Variants in SHC3 observed in about 807,000 individuals in gnomAD.
The protein encoded by SHC3 is SHC adaptor protein 3.
In SHC3, 15 loss-of-function variants were observed where a neutral mutation model predicts 60.4. That is an observed-to-expected ratio of 0.25 (90% confidence interval 0.17 to 0.38). The LOEUF (loss-of-function observed/expected upper bound fraction) is 0.38. Ranked by LOEUF, SHC3 falls within the 10% of genes least tolerant of loss-of-function variation. The pLI is 1.00. For synonymous variants in SHC3, 294 were observed against 325.9 expected, an observed-to-expected ratio of 0.90 and a Z score of 1.05; for missense variants, 677 against 786.1, an observed-to-expected ratio of 0.86 and a Z score of 1.66.
At chr9:89,098,735 T>A (rs995920878) in intron 2 of SHC3, among the ~76,000 whole-genome samples, 10 of 151,634 alleles carry the variant, frequency 6.6e-5, no homozygotes, top group African/African-American at 2.4e-4. Flanking sequence ...AGCGTGAACC[T>A]GGGAGGCGGA....
intron 11 of SHC3, among the ~76,000 whole-genome samples, chr9:89,035,864 T>TATATA (rs1462006154): frequency 5.6e-5 from 3 of 53,150 alleles, no homozygotes; most frequent in East Asian, 0.01. Flanking sequence ...TGTGTGTGTG[T>TATATA]GTGTGTGTGT....
chr9:89,046,981 C>A lies in SHC3; in HGVS notation c.976G>T (p.Asp326Tyr). Residue 326 changes from aspartate (D) to tyrosine (Y), a missense_variant, in exon 8 of 12, where the codon GAT becomes TAT. Asp to Tyr is a radical substitution (Grantham distance 160). Coordinates refer to ENST00000375835, the MANE Select transcript of SHC3 (RefSeq NM_016848.6). Reference sequence around the variant, plus strand: ...CCCTCCTCTTCCGTCCATGGCTCATCCAGACTCTGCATTCTGTTAAAGGAA... The same window carrying A: ...CCCTCCTCTTCCGTCCATGGCTCATACAGACTCTGCATTCTGTTAAAGGAA... ...PALHDRMQSLDEPWTEEEGDG... is the reference protein window; with the variant it reads ...PALHDRMQSLYEPWTEEEGDG... 6.3e-7 allele frequency: 1 copy of A among 1,588,510 alleles called. No individual in the cohort carries two copies. The highest frequency in any genetic ancestry group is 8.5e-7 in the Non-Finnish European group (1 of 1,169,598).
intron 1 of SHC3, among the ~76,000 whole-genome samples, chr9:89,167,765 T>C (rs989775408): frequency 1.3e-5 from 2 of 152,258 alleles, no homozygotes; most frequent in Non-Finnish European, 2.9e-5. Context: ...TAAATTATTA[T>C]TATGCTATTA....
Position 89,065,661 on chromosome 9 carries a change from T to C in SHC3, c.784-81A>G. The C allele has an allele frequency of 2.8e-6, 4 of 1,415,908 alleles. No homozygotes were observed. The South Asian group carries it at 4.6e-5, about 16-fold the overall frequency. 87.7% of individuals were successfully genotyped at this position (1,415,908 alleles called of 1,614,324 possible). ...GTCAGGGACACAGGGCACAAACCAG[T>C]GAGCTTAGAAGGACTCAACCACCAA... On this transcript the variant is annotated intron_variant, in intron 5 of 11. Coordinates refer to ENST00000375835, the MANE Select transcript of SHC3 (RefSeq NM_016848.6).
At chr9:89,128,374 C>T (rs1462147886) in intron 1 of SHC3, among the ~76,000 whole-genome samples, 3 of 152,040 alleles carry the variant, frequency 2.0e-5, no homozygotes, top group Non-Finnish European at 2.9e-5. Flanking sequence ...CCTAAACGTC[C>T]CTGTCTGACA....
chr9:89,055,307 C>T (rs368991286), intron 6 of SHC3, among the ~76,000 whole-genome samples: 8 of 152,258 alleles, frequency 5.3e-5, no homozygotes, highest in East Asian at 3.8e-4. Context: ...GACTGGCCCC[C>T]GGCCATCTGC....
intron 6 of SHC3, among the ~76,000 whole-genome samples, chr9:89,062,985 C>T (rs149854630): frequency 6.6e-6 from 1 of 152,342 alleles, no homozygotes; most frequent in Non-Finnish European, 1.5e-5. Flanking sequence ...TAGATCCACC[C>T]TCCCTGCCCA....
chr9:89,025,106 C>G (rs1826270188), intron 11 of SHC3, among the ~76,000 whole-genome samples: 1 of 152,156 alleles, frequency 6.6e-6, no homozygotes, highest in Non-Finnish European at 1.5e-5. Flanking sequence ...ATTACATCTG[C>G]CCCTTATAAA....
chr9:89,051,555 C>T (rs1403436916), intron 7 of SHC3, among the ~76,000 whole-genome samples: 1 of 152,236 alleles, frequency 6.6e-6, no homozygotes, highest in Non-Finnish European at 1.5e-5. Context: ...GGAAGGTAAA[C>T]AAACTACCAA....
At chr9:89,092,687 T>C (rs1037819717) in intron 2 of SHC3, among the ~76,000 whole-genome samples, 4 of 151,384 alleles carry the variant, frequency 2.6e-5, no homozygotes, top group Non-Finnish European at 4.4e-5. Context: ...AAAAAGTAGA[T>C]TGTGGAATGA....
intron 1 of SHC3, among the ~76,000 whole-genome samples, chr9:89,164,483 C>A (rs565360773): frequency 6.6e-6 from 1 of 151,774 alleles, no homozygotes; most frequent in Non-Finnish European, 1.5e-5. Context: ...GTTGGAGTAT[C>A]GGGGGGTAGG....
intron 2 of SHC3, among the ~76,000 whole-genome samples, chr9:89,101,504 A>G (rs899783863): frequency 2.0e-5 from 3 of 152,024 alleles, no homozygotes; most frequent in South Asian, 4.1e-4. Flanking sequence ...CCCTGTTATC[A>G]GATTGAGGAA....
rs550101096 is a variant in SHC3 at position 89,024,156 on chromosome 9, CT to C, written c.1657-10582del. Among the ~76,000 whole-genome samples the C allele has an allele frequency of 1.3e-3, 196 of 152,346 alleles. 1 individual carries two copies. The highest frequency in any genetic ancestry group is 4.6e-3 in the African/African-American group (191 of 41,574). On this transcript the variant is annotated intron_variant, in intron 11 of 11. Transcript: ENST00000375835. ...GTCCAATCAGAAACAAACAGCCCCT[CT>C]CAGGATGCTCCCCTGATGTGTAAAG...
rs561649411 is a variant in SHC3 at position 89,078,013 on chromosome 9, T to C, written c.546-110A>G. ...AAATAACTGCCTGTTTATTTCAGTA[T>C]AGAAAACAGAGCTGCCAATTTGGGA... On this transcript the variant is annotated intron_variant, in intron 2 of 11. Coordinates refer to ENST00000375835, the MANE Select transcript of SHC3 (RefSeq NM_016848.6). The C allele has an allele frequency of 1.2e-5, 15 of 1,296,880 alleles. No homozygotes were observed. In the Admixed American group the frequency reaches 2.1e-4, roughly 18 times the overall value. 80.3% of individuals were successfully genotyped at this position (1,296,880 alleles called of 1,614,324 possible).
At chr9:89,038,851 A>G (rs1824628149) in intron 10 of SHC3, among the ~76,000 whole-genome samples, 1 of 152,210 alleles carries the variant, frequency 6.6e-6, no homozygotes, top group Non-Finnish European at 1.5e-5. Context: ...GCCCCAGGCT[A>G]GGAGCTCCAC....
At chr9:89,084,145 A>G (rs1327981013) in intron 2 of SHC3, among the ~76,000 whole-genome samples, 1 of 152,226 alleles carries the variant, frequency 6.6e-6, no homozygotes, top group Non-Finnish European at 1.5e-5. Flanking sequence ...ACATAACAAA[A>G]GAGCCATGGA....
At chr9:89,131,974 C>T (rs1460481660) in intron 1 of SHC3, among the ~76,000 whole-genome samples, 13 of 152,082 alleles carry the variant, frequency 8.5e-5, no homozygotes, top group East Asian at 5.8e-4. Context: ...AAATTGTCCC[C>T]GTTTGCAGAT....
At chr9:89,046,053 C>T (rs561617957) in intron 8 of SHC3, among the ~76,000 whole-genome samples, 1 of 128,432 alleles carries the variant, frequency 7.8e-6, no homozygotes, top group South Asian at 3.0e-4. Context: ...ACTACACATG[C>T]CCCCCCGCTT....
intron 7 of SHC3, among the ~76,000 whole-genome samples, chr9:89,048,859 T>G (rs796413287): frequency 1.7e-4 from 26 of 152,188 alleles, no homozygotes; most frequent in African/African-American, 6.3e-4. Flanking sequence ...CGCTCTCGGA[T>G]AGTACCCTGC....
Sources: gnomAD v4.1 joint callset for allele counts (sites outside exome capture counted in the v4.1 genomes callset) on GRCh38, gnomAD v4.1.1 for gene constraint, MANE v1.5 for transcripts, NCBI Gene and HGNC (gene_info 2026-07-23, HGNC 2026-07-21) for gene names.